Variants in ARHGAP19 observed in about 807,000 individuals in gnomAD.
The protein encoded by ARHGAP19 is Rho GTPase activating protein 19, also known as rho GTPase-activating protein 19.
In ARHGAP19, 48 loss-of-function variants were observed where a neutral mutation model predicts 60.9. The observed-to-expected ratio is 0.79, with a 90% confidence interval of 0.62 to 1.00. ARHGAP19 has a LOEUF of 1.00. Ranked by LOEUF, ARHGAP19 falls within the 50% of genes least tolerant of loss-of-function variation. The pLI, the probability that ARHGAP19 is intolerant of heterozygous loss-of-function variation, is 0.00. For missense variants in ARHGAP19, 562 were observed against 597.2 expected (o/e 0.94, Z 0.61); for synonymous variants, 209 against 215.5 (o/e 0.97, Z 0.27).
chr10:97,227,192 T>C (rs1850913337), intron 11 of ARHGAP19, among the ~76,000 whole-genome samples: 1 of 152,258 alleles, frequency 6.6e-6, no homozygotes, highest in South Asian at 2.1e-4. Flanking sequence ...AATTACATTA[T>C]CTTCTTCAAA....
At position 97,223,908 on chromosome 10, in the gene ARHGAP19, A is replaced by C. The variant is rs1850850867; in HGVS notation, c.*2214T>G. 1 of 152,232 alleles carries C rather than the reference A, an allele frequency of 6.6e-6. No homozygotes were observed. Among genetic ancestry groups the C allele is most frequent in the Non-Finnish European group, 1.5e-5 (1 of 68,042 alleles). The allele number at this position is 152,232 out of a possible 1,614,324, so 9.4% of individuals were successfully genotyped here. ...AGAAAAATGACCTATAAAACCCCTA[A>C]AGCAAGGGAAAACATATTCAATAAA... On this transcript the variant is annotated 3_prime_UTR_variant, in exon 12 of 12. Transcript: ENST00000358531.
chr10:97,243,783 C>T (rs370307554), intron 8 of ARHGAP19, among the ~76,000 whole-genome samples, 185 bp downstream of exon 8: 12 of 152,258 alleles, frequency 7.9e-5, no homozygotes, highest in Admixed American at 7.2e-4. Flanking sequence ...AACTAGAAAT[C>T]AAGAGACTCC....
At chr10:97,230,147 G>A (rs527687218) in intron 9 of ARHGAP19, among the ~76,000 whole-genome samples, 2 of 152,328 alleles carry the variant, frequency 1.3e-5, no homozygotes, top group African/African-American at 2.4e-5. Flanking sequence ...ATTTAAACAA[G>A]CTAATATAGG....
intron 8 of ARHGAP19, among the ~76,000 whole-genome samples, chr10:97,239,088 C>T (rs1356254565): frequency 2.6e-5 from 4 of 152,190 alleles, no homozygotes; most frequent in East Asian, 1.9e-4. Flanking sequence ...TACTAAGCTA[C>T]GCCATCTAGG....
Position 97,239,552 on chromosome 10 carries a change from GTGTGTGTGTGTGT to G in ARHGAP19, c.1186-4250_1186-4238del, listed in dbSNP as rs1842441338. Among the ~76,000 whole-genome samples, 9 of 9,902 alleles carry G rather than the reference GTGTGTGTGTGTGT, an allele frequency of 9.1e-4. 1 individual carries two copies. The highest frequency in any genetic ancestry group is 1.9e-3 in the Admixed American group (1 of 532). The allele number at this position is 9,902 out of a possible 152,430, so 6.5% of individuals were successfully genotyped here. A position where few individuals can be genotyped will look rare whatever the true frequency, so the allele number is the denominator to read the frequency against. The stretch of plus-strand genomic sequence containing the variant: ...AGGGAGTGAGAGAGAGAGAGAGAGG[GTGTGTGTGTGTGT>G]GTGTGTGTGTGTGTGTGTGTGTGTG... On this transcript the variant is annotated intron_variant, in intron 8 of 11. Coordinates refer to ENST00000358531, the MANE Select transcript of ARHGAP19 (RefSeq NM_032900.6).
At chr10:97,228,755 T>C (rs1850946774) in intron 11 of ARHGAP19, among the ~76,000 whole-genome samples, 1 of 152,244 alleles carries the variant, frequency 6.6e-6, no homozygotes, top group Non-Finnish European at 1.5e-5. Context: ...GCTTCACTAA[T>C]TAGGGCTGGC....
chr10:97,227,768 C>T (rs954242199), intron 11 of ARHGAP19, among the ~76,000 whole-genome samples: 30 of 152,184 alleles, frequency 2.0e-4, no homozygotes, highest in South Asian at 4.1e-4. Flanking sequence ...CAAAAGATTG[C>T]ATCAACAATA....
At chr10:97,233,850 AG>A (rs777432641) in intron 9 of ARHGAP19, among the ~76,000 whole-genome samples, 3 of 151,210 alleles carry the variant, frequency 2.0e-5, no homozygotes, top group Non-Finnish European at 4.4e-5. Flanking sequence ...CCTGGGTGAC[AG>A]AGAGAGACTC....
chr10:97,225,888 C>G lies in ARHGAP19; in HGVS notation c.*234G>C. 1.8e-6 allele frequency: 1 copy of G among 543,838 alleles called. No homozygotes were observed. The highest frequency in any genetic ancestry group is 3.0e-5 in the East Asian group (1 of 33,482). The allele number at this position is 543,838 out of a possible 1,614,324, so 33.7% of individuals were successfully genotyped here. On this transcript the variant is annotated 3_prime_UTR_variant, in exon 12 of 12. Transcript: ENST00000358531. ...GCTGGTTGGATAGTTAGTGGTTTCCCCATAATATTAAAAAAGAGAGACAGG... is the reference window on the plus strand; with the variant it reads ...GCTGGTTGGATAGTTAGTGGTTTCCGCATAATATTAAAAAAGAGAGACAGG...
chr10:97,287,472 T>C (rs1237758095), intron 1 of ARHGAP19, among the ~76,000 whole-genome samples: 1 of 152,228 alleles, frequency 6.6e-6, no homozygotes, highest in African/African-American at 2.4e-5. Flanking sequence ...CCAGGTGCAG[T>C]GGCTCACACC....
intron 1 of ARHGAP19, among the ~76,000 whole-genome samples, chr10:97,285,967 T>C (rs1303162718): frequency 6.6e-6 from 1 of 152,202 alleles, no homozygotes; most frequent in Non-Finnish European, 1.5e-5. Context: ...CACTTACCAG[T>C]TTATGCAGAT....
intron 1 of ARHGAP19, among the ~76,000 whole-genome samples, chr10:97,274,711 T>A (rs1334567324): frequency 6.6e-6 from 1 of 152,122 alleles, no homozygotes; most frequent in Admixed American, 6.6e-5. Flanking sequence ...GATATAAATA[T>A]TATAGAAAAT....
intron 11 of ARHGAP19, 27 bp from the exon 12 acceptor site, chr10:97,226,159 T>C: frequency 1.9e-6 from 3 of 1,612,616 alleles, no homozygotes; most frequent in Non-Finnish European, 8.5e-7. Flanking sequence ...ACAAGAGCGT[T>C]AGACATGTTC....
rs542598484 is a variant in ARHGAP19, at chr10:97,261,966, T to C, written c.613+1454A>G. The stretch of plus-strand genomic sequence containing the variant: ...GTGAAAAAAGCAAACCACAGAACCA[T>C]GTGTGTAACCTATTACATAAAAATC... On this transcript the variant is annotated intron_variant, in intron 4 of 11. Transcript: ENST00000358531. Among the ~76,000 whole-genome samples, 5 of 152,300 alleles carry C rather than the reference T, an allele frequency of 3.3e-5. No homozygotes were observed. In the East Asian group the frequency reaches 9.6e-4, roughly 29 times the overall value.
intron 6 of ARHGAP19, among the ~76,000 whole-genome samples, chr10:97,251,496 AAGGAAG>A (rs1564718238): frequency 0.012 from 10 of 826 alleles, no homozygotes; most frequent in Non-Finnish European, 0.02. Context: ...GGGGAGGGGA[AAGGAAG>A]GGTAAGGGGA....
At chr10:97,259,660 G>A in intron 4 of ARHGAP19, 32 bp from the exon 5 acceptor site, 1 of 1,550,540 alleles carries the variant, frequency 6.4e-7, no homozygotes, top group South Asian at 1.1e-5. Flanking sequence ...GCAAAGTGGG[G>A]AGAAAATATC....
intron 9 of ARHGAP19, among the ~76,000 whole-genome samples, chr10:97,234,103 C>G (rs1168286311): frequency 2.0e-5 from 3 of 151,776 alleles, no homozygotes; most frequent in African/African-American, 7.3e-5. Context: ...CCCCTCTCTA[C>G]TAAAAAGGCA....
rs1208438337 is a variant in ARHGAP19 at position 97,223,782 on chromosome 10, C to T, written c.*2340G>A. 1.3e-5 allele frequency: 2 copies of T among 152,098 alleles called. No homozygotes were observed. The highest frequency in any genetic ancestry group is 2.9e-5 in the Non-Finnish European group (2 of 68,016). The allele number at this position is 152,098 out of a possible 1,614,324, so 9.4% of individuals were successfully genotyped here. A position where few individuals can be genotyped will look rare whatever the true frequency, so the allele number is the denominator to read the frequency against. On this transcript the variant is annotated 3_prime_UTR_variant, in exon 12 of 12. Transcript: ENST00000358531. The stretch of plus-strand genomic sequence containing the variant: ...TAAAAGGGGTTTTCTCTGTGTTTTC[C>T]GTAAGATTCCACTGGATTAGAATAG...
chr10:97,234,586 T>C (rs913851523), intron 9 of ARHGAP19, among the ~76,000 whole-genome samples: 3 of 152,216 alleles, frequency 2.0e-5, no homozygotes, highest in Non-Finnish European at 4.4e-5. Context: ...TCAAGTTATC[T>C]ACTGCCACCT....
Sources: allele counts gnomAD v4.1 joint callset (sites outside exome capture counted in the v4.1 genomes callset), GRCh38; gene constraint gnomAD v4.1.1; transcripts MANE v1.5; gene names NCBI Gene and HGNC (gene_info 2026-07-23, HGNC 2026-07-21).